Variants in NAV3 observed in about 807,000 individuals in gnomAD.
NAV3 encodes the protein pore membrane and/or filament interacting like protein 1.
NAV3 carries 87 observed loss-of-function variants against 244.7 expected under a neutral mutation model. The observed-to-expected ratio is 0.36, with a 90% CI of 0.30 to 0.42. NAV3 has a LOEUF of 0.42. NAV3 is among the 20% of genes least tolerant of loss of function. NAV3 has a pLI of 1.00. For missense variants in NAV3, 2,663 were observed against 2,893.3 expected (o/e 0.92, Z 1.83); for synonymous variants, 1,126 against 1,042.2 (o/e 1.08, Z -1.55).
chr12:77,585,658 C>G (rs1325988247), intron 2 of NAV3, among the ~76,000 whole-genome samples: 1 of 152,114 alleles, frequency 6.6e-6, no homozygotes, highest in East Asian at 1.9e-4. Context: ...CTCACTCCTA[C>G]GAGAACCTAA....
intron 1 of NAV3, among the ~76,000 whole-genome samples, chr12:77,890,745 T>G (rs1883836414): frequency 6.6e-6 from 1 of 152,204 alleles, no homozygotes; most frequent in African/African-American, 2.4e-5. Context: ...GTAGATGGCT[T>G]CTTACACAAA....
intron 4 of NAV3, among the ~76,000 whole-genome samples, chr12:77,968,120 T>C (rs1892674843): frequency 6.6e-6 from 1 of 152,196 alleles, no homozygotes; most frequent in Admixed American, 6.5e-5. Context: ...GCTTTCTTTC[T>C]CCAGTTCGTA....
intron 8 of NAV3, among the ~76,000 whole-genome samples, chr12:78,008,422 C>T (rs892761014): frequency 2.6e-5 from 4 of 152,072 alleles, no homozygotes; most frequent in Admixed American, 2.0e-4. Context: ...TCAGTAACTG[C>T]TGTGTCCCCA....
chr12:78,019,533 C>A (rs915915058), intron 8 of NAV3, among the ~76,000 whole-genome samples: 3 of 151,988 alleles, frequency 2.0e-5, no homozygotes, highest in Non-Finnish European at 4.4e-5. Flanking sequence ...GTATGAAGTG[C>A]TTATAATTGG....
intron 12 of NAV3, among the ~76,000 whole-genome samples, chr12:78,090,029 C>T (rs928502932): frequency 1.3e-5 from 2 of 151,938 alleles, no homozygotes; most frequent in Non-Finnish European, 2.9e-5. Flanking sequence ...TATTAATTTA[C>T]CTCTATTGCC....
chr12:77,976,871 G>A (rs1213347665), intron 5 of NAV3, among the ~76,000 whole-genome samples: 1 of 151,546 alleles, frequency 6.6e-6, no homozygotes, highest in Non-Finnish European at 1.5e-5. Flanking sequence ...TAGAGACAGG[G>A]TTTCACCATG....
intron 1 of NAV3, among the ~76,000 whole-genome samples, chr12:77,916,113 G>A (rs1565918098): frequency 6.6e-6 from 1 of 152,000 alleles, no homozygotes; most frequent in Non-Finnish European, 1.5e-5. Flanking sequence ...ACTTAAATGA[G>A]TAAGTAAGCT....
chr12:78,064,430 C>CTGTCTGT (rs1566082262), intron 12 of NAV3, among the ~76,000 whole-genome samples: 178 of 93,332 alleles, frequency 1.9e-3, no homozygotes, highest in African/African-American at 7.1e-3. Context: ...TGTCTGTCTG[C>CTGTCTGT]CTGCCTGCCT....
intron 5 of NAV3, among the ~76,000 whole-genome samples, chr12:77,978,240 G>A (rs1868874502): frequency 6.6e-6 from 1 of 152,036 alleles, no homozygotes; most frequent in Non-Finnish European, 1.5e-5. Context: ...TAACAACAAT[G>A]GTGAGCCATT....
At chr12:77,854,121 C>T (rs958531321) in intron 1 of NAV3, among the ~76,000 whole-genome samples, 2 of 152,074 alleles carry the variant, frequency 1.3e-5, no homozygotes, top group Non-Finnish European at 2.9e-5. Flanking sequence ...TTTCAGATGC[C>T]TTATCATCAT....
At chr12:77,777,944 T>A (rs1870451328) in intron 2 of NAV3, among the ~76,000 whole-genome samples, 1 of 152,036 alleles carries the variant, frequency 6.6e-6, no homozygotes. Context: ...TAACTGGGAC[T>A]ACAGGTACGC....
At chr12:78,172,985 A>C (rs1461037119) in intron 24 of NAV3, among the ~76,000 whole-genome samples, 1 of 151,576 alleles carries the variant, frequency 6.6e-6, no homozygotes, top group East Asian at 1.9e-4. Flanking sequence ...ACTTGCTGTA[A>C]AGTTTATGTT....
intron 23 of NAV3, among the ~76,000 whole-genome samples, chr12:78,165,516 T>G (rs557944384): frequency 5.3e-5 from 8 of 152,066 alleles, no homozygotes; most frequent in African/African-American, 1.9e-4. Context: ...TTTTAAAAAT[T>G]TCTAATGATT....
intron 2 of NAV3, among the ~76,000 whole-genome samples, chr12:77,666,898 T>C (rs1409052162): frequency 6.6e-6 from 1 of 152,218 alleles, no homozygotes; most frequent in Non-Finnish European, 1.5e-5. Context: ...ATTTCATAAC[T>C]AAGTCAAAAC....
intron 20 of NAV3, among the ~76,000 whole-genome samples, chr12:78,144,876 C>T (rs1433303661): frequency 3.4e-5 from 4 of 116,124 alleles, no homozygotes; most frequent in Admixed American, 1.2e-4. Flanking sequence ...GTTGTGAATG[C>T]GCAGTGCACC....
chr12:77,931,132 C>T (rs956912841), intron 1 of NAV3, among the ~76,000 whole-genome samples: 2 of 151,814 alleles, frequency 1.3e-5, no homozygotes, highest in African/African-American at 2.4e-5. Flanking sequence ...CTTACTGAAT[C>T]CTCTAATATG....
At chr12:78,076,161 G>A (rs1403039214) in intron 12 of NAV3, among the ~76,000 whole-genome samples, 1 of 152,124 alleles carries the variant, frequency 6.6e-6, no homozygotes, top group East Asian at 1.9e-4. Context: ...TTTACAATAT[G>A]AAAATGTGTA....
intron 2 of NAV3, among the ~76,000 whole-genome samples, chr12:77,736,029 C>G (rs1274328852): frequency 1.3e-5 from 2 of 152,162 alleles, no homozygotes; most frequent in Non-Finnish European, 2.9e-5. Flanking sequence ...CTTATATTGT[C>G]TTTCAGTGTA....
At chr12:78,012,890 C>T (rs953531771) in intron 8 of NAV3, among the ~76,000 whole-genome samples, 4 of 152,044 alleles carry the variant, frequency 2.6e-5, no homozygotes, top group African/African-American at 9.7e-5. Context: ...TTGTCTTTCT[C>T]ATTTAGTAGC....
Sources: allele counts gnomAD v4.1 joint callset (sites outside exome capture counted in the v4.1 genomes callset), GRCh38; gene constraint gnomAD v4.1.1; transcripts MANE v1.5; gene names NCBI Gene and HGNC (gene_info 2026-07-23, HGNC 2026-07-21).